Variants in TDRKH observed in about 807,000 individuals in gnomAD.
TDRKH encodes tudor and KH domain containing, also known as tudor and KH domain-containing protein.
A neutral mutation model predicts 61.3 loss-of-function variants in TDRKH; 28 were observed. The ratio of observed to expected loss-of-function variants is 0.46; its 90% CI spans 0.34 to 0.63. The LOEUF (loss-of-function observed/expected upper bound fraction) is 0.63. Among genes scored for constraint, TDRKH ranks in the 20% least tolerant of loss-of-function variants. The probability of loss-of-function intolerance (pLI) is 0.01; values close to 1 mark genes in which losing one functional copy is unlikely to be tolerated. For missense variants in TDRKH, 540 were observed against 683.4 expected (o/e 0.79, Z 2.34); for synonymous variants, 219 against 244.4 (o/e 0.90, Z 0.97).
chr1:151,785,168 G>A (rs1303627877), intron 1 of TDRKH, among the ~76,000 whole-genome samples: 1 of 152,134 alleles, frequency 6.6e-6, no homozygotes, highest in Non-Finnish European at 1.5e-5. Flanking sequence ...CTGGGCTCAA[G>A]TGATCCACCA....
rs117219464 is a variant in TDRKH, at chr1:151,780,578, C to T, written c.232-438G>A. Among the ~76,000 whole-genome samples, 24 of 152,262 alleles carry T rather than the reference C, an allele frequency of 1.6e-4. No homozygotes were observed. In the East Asian group the frequency reaches 3.7e-3, roughly 23 times the overall value. ...TAGAAAAGGATAATTTGACCAGGCG[C>T]GGTGGCTCACGCCTCTAATCCCAGC... is the stretch of plus-strand genomic sequence containing the variant. On this transcript the variant is annotated intron_variant, in intron 3 of 12. Coordinates refer to ENST00000368824, the MANE Select transcript of TDRKH (RefSeq NM_001083965.2).
At chr1:151,783,351 A>G (rs916775052) in intron 1 of TDRKH, among the ~76,000 whole-genome samples, 7 of 152,360 alleles carry the variant, frequency 4.6e-5, no homozygotes, top group African/African-American at 1.7e-4. Flanking sequence ...TAGATTTCAT[A>G]TTAAATTATT....
rs768953072 is a variant in TDRKH at position 151,775,808 on chromosome 1, T to C, written c.1282+12A>G. Reference sequence around the variant, plus strand: ...TTGGAGGTAAGCTCAATAGATGGCATGACCAATTTACCTGAGGGAGCAATC... The same window carrying C: ...TTGGAGGTAAGCTCAATAGATGGCACGACCAATTTACCTGAGGGAGCAATC... On this transcript the variant is annotated intron_variant, in intron 9 of 12. Coordinates refer to ENST00000368824, the MANE Select transcript of TDRKH (RefSeq NM_001083965.2). 1.1e-4 allele frequency: 179 copies of C among 1,612,712 alleles called. No homozygotes were observed. The highest frequency in any genetic ancestry group is 1.5e-4 in the Non-Finnish European group (172 of 1,178,942).
At chr1:151,781,925 G>T in intron 2 of TDRKH, 1 of 451,948 alleles carries the variant, frequency 2.2e-6, no homozygotes. Context: ...GGTCCATTAG[G>T]CTCAGAACTT....
intron 9 of TDRKH, 45 bp downstream of exon 9, chr1:151,775,775 T>G: frequency 6.3e-7 from 1 of 1,587,684 alleles, no homozygotes; most frequent in Non-Finnish European, 8.6e-7. Context: ...TGTATGAAGT[T>G]ATTCTATTTG....
At chr1:151,789,272 GTC>G (rs1268183863) in intron 1 of TDRKH, among the ~76,000 whole-genome samples, 3 of 152,150 alleles carry the variant, frequency 2.0e-5, no homozygotes, top group Non-Finnish European at 2.9e-5. Flanking sequence ...ATCAGCTGAT[GTC>G]TCAAAAAATG....
downstream of TDRKH, among the ~76,000 whole-genome samples, chr1:151,768,611 C>G (rs1648459800): frequency 6.6e-6 from 1 of 152,118 alleles, no homozygotes; most frequent in Admixed American, 6.5e-5. Flanking sequence ...AGAAAACGAC[C>G]AATAATATTT....
At chr1:151,776,356 G>A (rs1347122197) in intron 7 of TDRKH, 83 bp downstream of exon 7, 1 of 1,594,064 alleles carries the variant, frequency 6.3e-7, no homozygotes. Flanking sequence ...AAAAGTAGTT[G>A]CTCCACAGGG....
downstream of TDRKH, chr1:151,771,085 C>A: frequency 6.3e-7 from 1 of 1,594,088 alleles, no homozygotes; most frequent in Non-Finnish European, 8.5e-7. Flanking sequence ...AGGTGCCCTG[C>A]TGCGGGCCTT....
intron 1 of TDRKH, 59 bp from the exon 2 acceptor site, chr1:151,783,108 A>G (rs887482321): frequency 1.3e-6 from 2 of 1,518,470 alleles, no homozygotes; most frequent in Admixed American, 1.9e-5. Context: ...TATGAATAGC[A>G]GAGAGGCATG....
chr1:151,782,104 G>C (rs1207600862), intron 2 of TDRKH: 7 of 415,924 alleles, frequency 1.7e-5, no homozygotes, highest in African/African-American at 8.4e-5. Flanking sequence ...GCTGAAGAAA[G>C]CACATCAATG....
In TDRKH at chr1:151,775,485, G is replaced by C; in HGVS notation, c.1341C>G (p.Asp447Glu). 6.2e-7 allele frequency: 1 copy of C among 1,614,142 alleles called. No homozygotes were observed. Among genetic ancestry groups the C allele is most frequent in the Non-Finnish European group, 8.5e-7 (1 of 1,180,024 alleles). The change falls in exon 10 of 13, where the codon GAC becomes GAG. Residue 447 changes from aspartate (D) to glutamate (E), a missense_variant. Physicochemically the swap from Asp to Glu is conservative, Grantham distance 45 (BLOSUM62 2). Transcript: ENST00000368824. ...AGATCTTGGCTACCAGAGGCTTCCA[G>C]TCAGCACAATGAGTGAGTCTATCAA... is the stretch of plus-strand genomic sequence containing the variant. The part of the protein sequence containing the change: ...DEFDRLTHCA[D>E]WKPLVAKISS...
chr1:151,782,931 T>A lies in TDRKH; in HGVS notation c.92A>T (p.Tyr31Phe). The change falls in exon 2 of 13, where the codon TAT becomes TTT. Residue 31 changes from tyrosine to phenylalanine, a missense_variant. This residue lies in a region of TDRKH where 156 missense variants were observed against 218.0 expected (regional missense o/e 0.72). Transcript: ENST00000368824. ...LGIPASATVA[Y>F]ILYRRYRESR... is the part of the protein sequence containing the mutation. ...TTCCCTATACCTGCGGTATAGGATA[T>A]AGGCAACTGTTGCACTGGCTGGGAT... is the stretch of plus-strand genomic sequence containing the variant. 1 of 1,613,490 alleles carries A rather than the reference T, an allele frequency of 6.2e-7. No homozygotes were observed. The highest frequency in any genetic ancestry group is 8.5e-7 in the Non-Finnish European group (1 of 1,179,770).
At chr1:151,787,808 CAAAAAAAAAAAAAAAAAA>C (rs71093211) in intron 1 of TDRKH, among the ~76,000 whole-genome samples, 1 of 50,572 alleles carries the variant, frequency 2.0e-5, no homozygotes, top group South Asian at 1.1e-3. Flanking sequence ...TCTGTTTCTA[CAAAAAAAAAAAAAAAAAA>C]AAAAAAAAAA....
chr1:151,771,267 AATC>A (rs763480129), downstream of TDRKH: 1 of 1,598,180 alleles, frequency 6.3e-7, no homozygotes, highest in Admixed American at 1.7e-5. Flanking sequence ...TGACACATGG[AATC>A]AGGGGCCCGG....
In TDRKH at chr1:151,784,170, C is replaced by T. The variant is rs191867006; in HGVS notation, c.-27-1121G>A. Among the ~76,000 whole-genome samples, 130 of 152,336 alleles carry T rather than the reference C, an allele frequency of 8.5e-4. 2 individuals are homozygous for T. In the East Asian group the frequency reaches 0.014, roughly 17 times the overall value. ...TCCTCCACCTGTGCCTAAATGCTTG[C>T]TGTTCTCTCCTGTGACCACAGATGA... On this transcript the variant is annotated intron_variant, in intron 1 of 12. Coordinates refer to ENST00000368824, the MANE Select transcript of TDRKH (RefSeq NM_001083965.2).
At chr1:151,782,478 C>T (rs555238532) in intron 2 of TDRKH, among the ~76,000 whole-genome samples, 2 of 150,768 alleles carry the variant, frequency 1.3e-5, no homozygotes, top group Non-Finnish European at 3.0e-5. Context: ...TAATTTTAGT[C>T]AAAGATTCCT....
At chr1:151,771,133 C>G (rs750292544), downstream of TDRKH, 9 of 1,613,254 alleles carry the variant, frequency 5.6e-6, no homozygotes, top group Admixed American at 3.3e-5. Flanking sequence ...ACCAGATCAC[C>G]CTGCCCTCCC....
intron 4 of TDRKH, 22 bp downstream of exon 4, chr1:151,779,929 A>T: frequency 6.3e-7 from 1 of 1,595,088 alleles, no homozygotes. Context: ...AGGAAACAAT[A>T]GAGGAAGCCA....
Sources: allele counts gnomAD v4.1 joint callset (sites outside exome capture counted in the v4.1 genomes callset), GRCh38; gene constraint gnomAD v4.1.1; regional missense constraint gnomAD v4.1.1; transcripts MANE v1.5; gene names NCBI Gene and HGNC (gene_info 2026-07-23, HGNC 2026-07-21).